TNPO1: variants seen among roughly 807,000 people sequenced by gnomAD.
TNPO1 encodes transportin 1, also known as transportin-1.
Under a neutral mutation model 119.5 loss-of-function variants are expected in TNPO1, and 8 were observed. That is an observed-to-expected ratio of 0.07 (90% confidence interval 0.04 to 0.12). TNPO1 has a LOEUF of 0.12. TNPO1 is among the 10% of genes least tolerant of loss of function. TNPO1 has a pLI of 1.00. For synonymous variants in TNPO1, 362 were observed against 363.0 expected (o/e 1.00, Z 0.03); for missense variants, 576 against 1,089.8 (o/e 0.53, Z 6.64).
chr5:72,868,313 T>A (rs1335181493), intron 6 of TNPO1, among the ~76,000 whole-genome samples: 1 of 151,110 alleles, frequency 6.6e-6, no homozygotes, highest in Non-Finnish European at 1.5e-5. Flanking sequence ...GCACCTGTAG[T>A]CCCAGCAACT....
intron 6 of TNPO1, among the ~76,000 whole-genome samples, 169 bp from the exon 7 acceptor site, chr5:72,872,470 A>G (rs1261352509): frequency 1.3e-5 from 2 of 152,172 alleles, no homozygotes; most frequent in African/African-American, 2.4e-5. Flanking sequence ...TGCACTTAGT[A>G]TATCATTCAA....
intron 1 of TNPO1, among the ~76,000 whole-genome samples, chr5:72,817,203 C>G (rs1242643792): frequency 6.6e-6 from 1 of 152,252 alleles, no homozygotes; most frequent in Non-Finnish European, 1.5e-5. Flanking sequence ...CCCTGGGCCC[C>G]TCTGCCCGGG....
chr5:72,842,718 A>T (rs557794107), intron 1 of TNPO1, among the ~76,000 whole-genome samples: 1 of 152,342 alleles, frequency 6.6e-6, no homozygotes, highest in South Asian at 2.1e-4. Flanking sequence ...GAAATATGAC[A>T]CATTCTAAAA....
chr5:72,862,182 AAT>A (rs1191903517), intron 5 of TNPO1, among the ~76,000 whole-genome samples: 1 of 152,234 alleles, frequency 6.6e-6, no homozygotes, highest in Non-Finnish European at 1.5e-5. Context: ...ATATGTATGT[AAT>A]ATACAGTTTT....
rs1471707189 is a variant in TNPO1, at chr5:72,914,168, A to G, written c.*5495A>G. 2 of 152,592 alleles carry G rather than the reference A, an allele frequency of 1.3e-5. No homozygotes were observed. The highest frequency in any genetic ancestry group is 2.9e-5 in the Non-Finnish European group (2 of 68,006). The allele number at this position is 152,592 out of a possible 1,614,324, so 9.5% of individuals were successfully genotyped here. On this transcript the variant is annotated 3_prime_UTR_variant, in exon 25 of 25. Transcript: ENST00000337273. The stretch of plus-strand genomic sequence containing the variant: ...CTAAATTGATATTTCTTGAAGTCTA[A>G]CTCTGTGCTAACAGATCTCCATTTT...
At chr5:72,835,591 C>G (rs1744663122) in intron 1 of TNPO1, among the ~76,000 whole-genome samples, 1 of 152,186 alleles carries the variant, frequency 6.6e-6, no homozygotes, top group Non-Finnish European at 1.5e-5. Flanking sequence ...GAGGACAGAA[C>G]TCTCATGACG....
intron 12 of TNPO1, 97 bp from the exon 13 acceptor site, chr5:72,887,981 T>C: frequency 1.7e-6 from 2 of 1,166,000 alleles, no homozygotes; most frequent in East Asian, 2.5e-5. Context: ...AGTAGAAATA[T>C]TCTGAATTTT....
At chr5:72,885,184 A>G (rs932381887) in intron 11 of TNPO1, among the ~76,000 whole-genome samples, 4 of 152,226 alleles carry the variant, frequency 2.6e-5, no homozygotes, top group Non-Finnish European at 5.9e-5. Context: ...AACATTTCCA[A>G]CAACCTTGAA....
chr5:72,872,754 C>T (rs1747499906), intron 7 of TNPO1, 34 bp downstream of exon 7: 3 of 1,496,224 alleles, frequency 2.0e-6, no homozygotes, highest in Middle Eastern at 1.8e-4. Flanking sequence ...CCCAACCCCC[C>T]AGCTTTTTTT....
In TNPO1 at chr5:72,854,475, A is replaced by G. The variant is rs114790775; in HGVS notation, c.206-1299A>G. Among the ~76,000 whole-genome samples the G allele has an allele frequency of 8.3e-3, 1,263 of 152,310 alleles. 14 individuals are homozygous for G. The highest frequency in any genetic ancestry group is 0.029 in the African/African-American group (1,197 of 41,574). ...ATTATTTTTTAATAAGACGGGTAAA[A>G]CAATGGTTTTACAATAACATTCTGT... On this transcript the variant is annotated intron_variant, in intron 3 of 24. Coordinates refer to ENST00000337273, the MANE Select transcript of TNPO1 (RefSeq NM_002270.4).
At chr5:72,871,331 C>T (rs1431138700) in intron 6 of TNPO1, among the ~76,000 whole-genome samples, 1 of 152,152 alleles carries the variant, frequency 6.6e-6, no homozygotes, top group Non-Finnish European at 1.5e-5. Context: ...GTAGCTTACC[C>T]TGTGTTGAAC....
chr5:72,816,675 T>C lies in TNPO1; in HGVS notation c.-63T>C. The C allele has an allele frequency of 6.6e-7, 1 of 1,508,236 alleles. No individual in the cohort carries two copies. Among genetic ancestry groups the C allele is most frequent in the Middle Eastern group, 1.9e-4 (1 of 5,324 alleles). 93.4% of individuals were successfully genotyped at this position (1,508,236 alleles called of 1,614,324 possible). On this transcript the variant is annotated 5_prime_UTR_variant, in exon 1 of 25. Coordinates refer to ENST00000337273, the MANE Select transcript of TNPO1 (RefSeq NM_002270.4). ...AGATTCTCTTTGTTCCGCAGCCATT[T>C]CAGGCCCCGGACAGGAGGCAGTGCC...
At chr5:72,852,662 G>T (rs1437336650) in intron 3 of TNPO1, among the ~76,000 whole-genome samples, 1 of 152,126 alleles carries the variant, frequency 6.6e-6, no homozygotes, top group Non-Finnish European at 1.5e-5. Flanking sequence ...AATTCTGACA[G>T]GTTAATAGTG....
intron 6 of TNPO1, chr5:72,871,629 G>A (rs746199627): frequency 1.3e-5 from 2 of 152,222 alleles, no homozygotes; most frequent in East Asian, 1.9e-4. Context: ...TAAAGGAAAC[G>A]TTTGTGCAAA....
intron 24 of TNPO1, among the ~76,000 whole-genome samples, chr5:72,906,029 G>A (rs1409885836): frequency 6.6e-6 from 1 of 152,234 alleles, no homozygotes; most frequent in Middle Eastern, 3.4e-3. Flanking sequence ...ACACTGGTTG[G>A]ATTTCTCAAC....
intron 1 of TNPO1, among the ~76,000 whole-genome samples, chr5:72,831,875 T>A (rs1472406750): frequency 3.3e-5 from 5 of 152,110 alleles, no homozygotes; most frequent in Admixed American, 3.3e-4. Context: ...ACCGTTCAAG[T>A]ACCGTAACTT....
chr5:72,855,260 C>A (rs778939991), intron 3 of TNPO1, among the ~76,000 whole-genome samples: 4 of 149,014 alleles, frequency 2.7e-5, no homozygotes, highest in Non-Finnish European at 5.9e-5. Flanking sequence ...GCATGAACCA[C>A]CACGCCCAGC....
At chr5:72,887,464 TG>T (rs1220901637) in intron 12 of TNPO1, among the ~76,000 whole-genome samples, 2 of 152,042 alleles carry the variant, frequency 1.3e-5, no homozygotes, top group Non-Finnish European at 1.5e-5. Flanking sequence ...CTTAGGCGGG[TG>T]GATTACCTGA....
At chr5:72,889,679 T>C (rs960385967) in intron 13 of TNPO1, 107 bp from the exon 14 acceptor site, 1 of 1,269,380 alleles carries the variant, frequency 7.9e-7, no homozygotes, top group African/African-American at 1.5e-5. Flanking sequence ...GCTTAGACCA[T>C]TTTAGGAAAT....
Sources: gnomAD v4.1 joint callset for allele counts (sites outside exome capture counted in the v4.1 genomes callset) on GRCh38, gnomAD v4.1.1 for gene constraint, MANE v1.5 for transcripts, NCBI Gene and HGNC (gene_info 2026-07-23, HGNC 2026-07-21) for gene names.